Variants in AKAP6 observed in about 807,000 individuals in gnomAD.
AKAP6 encodes the protein A-kinase anchoring protein 6, also known as A-kinase anchor protein 6.
AKAP6 carries 58 observed loss-of-function variants against 188.5 expected under a neutral mutation model. That is an observed-to-expected ratio of 0.31 (90% CI 0.25 to 0.38). The LOEUF (loss-of-function observed/expected upper bound fraction) is 0.38. AKAP6 is among the 10% of genes least tolerant of loss of function. The pLI, the probability that AKAP6 is intolerant of heterozygous loss-of-function variation, is 1.00. For missense variants in AKAP6, 2,710 were observed against 2,740.0 expected, an observed-to-expected ratio of 0.99 and a Z score of 0.24; for synonymous variants, 989 against 998.6, an observed-to-expected ratio of 0.99 and a Z score of 0.18.
intron 1 of AKAP6, among the ~76,000 whole-genome samples, chr14:32,382,357 C>T (rs1471658255): frequency 6.6e-6 from 1 of 152,086 alleles, no homozygotes; most frequent in Non-Finnish European, 1.5e-5. Context: ...AGTCCTGGTC[C>T]CACCATGTTC....
At chr14:32,679,565 T>A (rs772468565) in intron 8 of AKAP6, among the ~76,000 whole-genome samples, 13 of 152,196 alleles carry the variant, frequency 8.5e-5, no homozygotes, top group Non-Finnish European at 1.2e-4. Context: ...GGAACTACAA[T>A]CCTCATATAA....
chr14:32,801,261 A>G (rs1032354749), intron 12 of AKAP6, among the ~76,000 whole-genome samples: 3 of 151,140 alleles, frequency 2.0e-5, no homozygotes, highest in African/African-American at 7.3e-5. Context: ...ATTTTATTTC[A>G]TTTCATTTTG....
intron 5 of AKAP6, among the ~76,000 whole-genome samples, chr14:32,577,921 G>T (rs1273497402): frequency 6.6e-6 from 1 of 152,094 alleles, no homozygotes; most frequent in African/African-American, 2.4e-5. Flanking sequence ...ATTATGAAGG[G>T]GTGGAAACTA....
intron 4 of AKAP6, among the ~76,000 whole-genome samples, chr14:32,550,046 A>G (rs1883384224): frequency 6.6e-6 from 1 of 152,216 alleles, no homozygotes; most frequent in South Asian, 2.1e-4. Context: ...GCTAGAAAGA[A>G]TTCAGGAGCC....
chr14:32,341,299 A>C (rs10143997), intron 1 of AKAP6, among the ~76,000 whole-genome samples: 6,121 of 152,230 alleles, frequency 0.04, 392 homozygotes, highest in African/African-American at 0.14. Context: ...AGAAATTTAC[A>C]CTGCTGCTGT....
intron 7 of AKAP6, among the ~76,000 whole-genome samples, chr14:32,631,876 T>G (rs1458551027): frequency 6.6e-6 from 1 of 152,100 alleles, no homozygotes; most frequent in African/African-American, 2.4e-5. Context: ...CATGGTGACA[T>G]GTAGTAGATC....
chr14:32,353,807 G>A (rs879043818), intron 1 of AKAP6, among the ~76,000 whole-genome samples: 19 of 152,068 alleles, frequency 1.2e-4, no homozygotes, highest in African/African-American at 2.2e-4. Flanking sequence ...ATTCTTATAC[G>A]CCAATAACAG....
intron 7 of AKAP6, among the ~76,000 whole-genome samples, chr14:32,625,454 T>C (rs913851566): frequency 6.6e-6 from 1 of 152,138 alleles, no homozygotes; most frequent in Non-Finnish European, 1.5e-5. Flanking sequence ...CAGCTATAAA[T>C]GTTTGTTATT....
intron 7 of AKAP6, among the ~76,000 whole-genome samples, chr14:32,646,932 G>T (rs1888009318): frequency 6.6e-6 from 1 of 152,066 alleles, no homozygotes. Flanking sequence ...TATATCACTG[G>T]TAAAAATAAA....
chr14:32,405,476 G>T (rs1418927140), intron 1 of AKAP6, among the ~76,000 whole-genome samples: 3 of 151,838 alleles, frequency 2.0e-5, no homozygotes. Context: ...ATTCAAATTT[G>T]GTAAAATATT....
At chr14:32,365,643 G>A (rs965620586) in intron 1 of AKAP6, among the ~76,000 whole-genome samples, 1 of 152,086 alleles carries the variant, frequency 6.6e-6, no homozygotes, top group African/African-American at 2.4e-5. Flanking sequence ...TACCGAAGTC[G>A]ACTGTCAGAA....
In AKAP6 at chr14:32,453,575, C is replaced by CTTTTTTTTTTTTTTTTTTTTTTTTT. The variant is rs71115071; in HGVS notation, c.324+19773_324+19797dup. 6.3e-5 allele frequency among the ~76,000 whole-genome samples: 6 copies of CTTTTTTTTTTTTTTTTTTTTTTTTT among 95,354 alleles called. 1 individual carries two copies. Among genetic ancestry groups the CTTTTTTTTTTTTTTTTTTTTTTTTT allele is most frequent in the Non-Finnish European group, 8.6e-5 (4 of 46,568 alleles). 62.6% of individuals were successfully genotyped at this position (95,354 alleles called of 152,430 possible). The stretch of plus-strand genomic sequence containing the variant: ...GTGGAGATAATAGAATTTTTCTTTT[C>CTTTTTTTTTTTTTTTTTTTTTTTTT]TTTTTTTTTTTTTTTTTTTTTTTTT... On this transcript the variant is annotated intron_variant, in intron 2 of 13. Coordinates refer to ENST00000280979, the MANE Select transcript of AKAP6 (RefSeq NM_004274.5).
chr14:32,351,042 C>T (rs1025006363), intron 1 of AKAP6, among the ~76,000 whole-genome samples: 10 of 152,038 alleles, frequency 6.6e-5, no homozygotes, highest in South Asian at 2.1e-4. Context: ...CCCGGAATCT[C>T]GAACTTGGTT....
intron 11 of AKAP6, among the ~76,000 whole-genome samples, chr14:32,758,922 C>G (rs754171601): frequency 6.6e-6 from 1 of 152,144 alleles, no homozygotes; most frequent in Admixed American, 6.5e-5. Context: ...GTTTCTCGTT[C>G]CCAGGGGCTT....
At chr14:32,705,201 C>T (rs1422603061) in intron 9 of AKAP6, among the ~76,000 whole-genome samples, 1 of 152,114 alleles carries the variant, frequency 6.6e-6, no homozygotes, top group Non-Finnish European at 1.5e-5. Context: ...GACCATACTG[C>T]CTTTAATCCC....
intron 1 of AKAP6, among the ~76,000 whole-genome samples, chr14:32,386,037 C>T (rs1321579406): frequency 6.6e-6 from 1 of 150,972 alleles, no homozygotes; most frequent in Non-Finnish European, 1.5e-5. Context: ...ATCTACATCT[C>T]ACAGTTTCTT....
chr14:32,491,104 T>C (rs982714255), intron 2 of AKAP6, among the ~76,000 whole-genome samples: 6 of 152,130 alleles, frequency 3.9e-5, no homozygotes, highest in Non-Finnish European at 8.8e-5. Context: ...ATTCTGATCA[T>C]CTCAAAAGCT....
At chr14:32,748,327 T>A (rs2031993827) in intron 11 of AKAP6, among the ~76,000 whole-genome samples, 1 of 152,154 alleles carries the variant, frequency 6.6e-6, no homozygotes, top group Non-Finnish European at 1.5e-5. Flanking sequence ...AAGCTCCAGG[T>A]TTCTTATCTT....
chr14:32,471,823 GAC>G (rs1357219286), intron 2 of AKAP6, among the ~76,000 whole-genome samples: 1 of 152,136 alleles, frequency 6.6e-6, no homozygotes. Context: ...TAAGACACTG[GAC>G]ACTGTGTTAT....
Sources: allele counts gnomAD v4.1 joint callset (sites outside exome capture counted in the v4.1 genomes callset), GRCh38; gene constraint gnomAD v4.1.1; transcripts MANE v1.5; gene names NCBI Gene and HGNC (gene_info 2026-07-23, HGNC 2026-07-21).